The following TBC1D22B variants were observed in gnomAD, a reference collection of about 807,000 sequenced individuals.
TBC1D22B encodes chromosome 6 open reading frame 197.
TBC1D22B carries 32 observed loss-of-function variants against 69.1 expected under a neutral mutation model. That is an observed-to-expected ratio of 0.46 (90% CI 0.35 to 0.62). TBC1D22B has a LOEUF of 0.62. TBC1D22B is among the 20% of genes least tolerant of loss of function. TBC1D22B has a pLI of 0.00. For missense variants in TBC1D22B, 462 were observed against 630.9 expected (o/e 0.73, Z 2.87); for synonymous variants, 206 against 229.8 (o/e 0.90, Z 0.94).
At chr6:37,329,743 A>G (rs1768528937) in intron 12 of TBC1D22B, among the ~76,000 whole-genome samples, 1 of 152,210 alleles carries the variant, frequency 6.6e-6, no homozygotes. Context: ...GCCATCTTCA[A>G]CACATGCTTT....
At chr6:37,270,051 T>G (rs565114264) in intron 2 of TBC1D22B, among the ~76,000 whole-genome samples, 12 of 152,202 alleles carry the variant, frequency 7.9e-5, no homozygotes, top group Non-Finnish European at 7.3e-5. Context: ...TCCTCACTTT[T>G]ACTATGAGAA....
At chr6:37,313,750 C>T (rs1392434027) in intron 9 of TBC1D22B, 66 bp from the exon 10 acceptor site, 18 of 1,456,660 alleles carry the variant, frequency 1.2e-5, no homozygotes, top group Non-Finnish European at 1.7e-5. Flanking sequence ...AAACGTGTTT[C>T]AGTGAATGTC....
At chr6:37,309,895 G>A (rs1767849498) in intron 8 of TBC1D22B, among the ~76,000 whole-genome samples, 1 of 151,056 alleles carries the variant, frequency 6.6e-6, no homozygotes, top group Non-Finnish European at 1.5e-5. Context: ...AAGATCCTAA[G>A]CCGGGTTTTA....
intron 8 of TBC1D22B, among the ~76,000 whole-genome samples, chr6:37,297,464 T>G (rs1347323311): frequency 6.6e-6 from 1 of 152,208 alleles, no homozygotes; most frequent in Admixed American, 6.5e-5. Context: ...GGTAGATGTA[T>G]CAAGCCATTT....
chr6:37,293,090 T>A (rs1767242351), intron 8 of TBC1D22B, among the ~76,000 whole-genome samples: 2 of 151,458 alleles, frequency 1.3e-5, no homozygotes, highest in Non-Finnish European at 2.9e-5. Context: ...TATTATTTTT[T>A]TTTTTGAGAC....
intron 2 of TBC1D22B, among the ~76,000 whole-genome samples, chr6:37,277,271 G>A (rs1766696869): frequency 6.6e-6 from 1 of 152,088 alleles, no homozygotes; most frequent in African/African-American, 2.4e-5. Context: ...ACATACTCCT[G>A]GGTGTTATAT....
At chr6:37,291,704 G>A (rs1012486795) in intron 8 of TBC1D22B, among the ~76,000 whole-genome samples, 3 of 152,186 alleles carry the variant, frequency 2.0e-5, no homozygotes, top group Non-Finnish European at 4.4e-5. Flanking sequence ...TGGACATCAA[G>A]CCTGCACACT....
intron 12 of TBC1D22B, among the ~76,000 whole-genome samples, chr6:37,318,210 G>A (rs1768136515): frequency 6.6e-6 from 1 of 152,232 alleles, no homozygotes; most frequent in South Asian, 2.1e-4. Context: ...GATAGTGACA[G>A]TGGAGGTGTG....
At position 37,323,384 on chromosome 6, in the gene TBC1D22B, G is replaced by T. The variant is rs1228254731; in HGVS notation, c.1389+6178G>T. Among the ~76,000 whole-genome samples, 3 of 152,090 alleles carry T rather than the reference G, an allele frequency of 2.0e-5. No individual in the cohort carries two copies. The East Asian group carries it at 5.8e-4, about 29-fold the overall frequency. ...CTCTAAAAAAAATATTTAAAAATTAGCCAGGCATGGTGGCACACACCTGTA... is the reference window on the plus strand; with the variant it reads ...CTCTAAAAAAAATATTTAAAAATTATCCAGGCATGGTGGCACACACCTGTA... On this transcript the variant is annotated intron_variant, in intron 12 of 12. Transcript: ENST00000373491.
intron 3 of TBC1D22B, 93 bp downstream of exon 3, chr6:37,279,704 G>C (rs1447663521): frequency 3.0e-6 from 4 of 1,311,856 alleles, no homozygotes; most frequent in Non-Finnish European, 4.2e-6. Context: ...CACTCAGGTA[G>C]ATATTCAACT....
At chr6:37,326,248 C>T (rs548929628) in intron 12 of TBC1D22B, among the ~76,000 whole-genome samples, 43 of 151,838 alleles carry the variant, frequency 2.8e-4, no homozygotes, top group African/African-American at 7.7e-4. Context: ...GGTGCAGTGG[C>T]GCGCACCTGT....
intron 8 of TBC1D22B, among the ~76,000 whole-genome samples, chr6:37,304,876 C>T (rs1236662471): frequency 6.6e-6 from 1 of 152,136 alleles, no homozygotes; most frequent in East Asian, 1.9e-4. Flanking sequence ...GAGATAAGTG[C>T]TATGGATAGA....
At chr6:37,282,473 C>A in intron 4 of TBC1D22B, 109 bp downstream of exon 4, 1 of 1,289,524 alleles carries the variant, frequency 7.8e-7, no homozygotes, top group East Asian at 2.5e-5. Flanking sequence ...TCTAGCTTCT[C>A]CTGACCTGGT....
At chr6:37,295,069 T>G (rs1175417554) in intron 8 of TBC1D22B, among the ~76,000 whole-genome samples, 1 of 152,206 alleles carries the variant, frequency 6.6e-6, no homozygotes, top group Non-Finnish European at 1.5e-5. Context: ...GTGGCAGGAT[T>G]TGAGAAGGTT....
chr6:37,312,634 C>G (rs1365099594), intron 8 of TBC1D22B, among the ~76,000 whole-genome samples: 1 of 152,166 alleles, frequency 6.6e-6, no homozygotes, highest in Non-Finnish European at 1.5e-5. Flanking sequence ...TAAAACTGAA[C>G]GAACAAATGC....
chr6:37,279,663 T>C, intron 3 of TBC1D22B, 52 bp downstream of exon 3: 1 of 1,531,734 alleles, frequency 6.5e-7, no homozygotes, highest in Non-Finnish European at 8.8e-7. Context: ...CAGCGTGCAT[T>C]TTAAATAAAA....
chr6:37,287,562 C>T lies in TBC1D22B; in HGVS notation c.867+490C>T, dbSNP rs560210887. Among the ~76,000 whole-genome samples the T allele has an allele frequency of 2.0e-5, 3 of 152,318 alleles. No homozygotes were observed. The East Asian group carries it at 5.8e-4, about 29-fold the overall frequency. On this transcript the variant is annotated intron_variant, in intron 7 of 12. Coordinates refer to ENST00000373491, the MANE Select transcript of TBC1D22B (RefSeq NM_017772.4). ...ATTAAATATTAACTCTCTTCTGCAGCCTCCATTCTATTTGTCTCTAAGAAT... is the reference window on the plus strand; with the variant it reads ...ATTAAATATTAACTCTCTTCTGCAGTCTCCATTCTATTTGTCTCTAAGAAT...
rs765089650 is a variant in TBC1D22B, at chr6:37,282,918, G to A, written c.638G>A (p.Arg213Lys). The change falls in exon 5 of 13, where the codon AGG becomes AAG. Residue 213 changes from arginine to lysine, a missense_variant. Arg to Lys is a conservative substitution (Grantham distance 26). This residue lies in a region of TBC1D22B where 225 missense variants were observed against 375.4 expected (regional missense o/e 0.60). Transcript: ENST00000373491. ...LRKCSWPGVP[R>K]EVRPITWRLL... Reference sequence around the variant, plus strand: ...AAGTGTAGCTGGCCAGGGGTTCCCAGGGAGGTTCGACCTATAACCTGGAGA... The same window carrying A: ...AAGTGTAGCTGGCCAGGGGTTCCCAAGGAGGTTCGACCTATAACCTGGAGA... 6.2e-7 allele frequency: 1 copy of A among 1,613,990 alleles called. No homozygotes were observed. Among genetic ancestry groups the A allele is most frequent in the South Asian group, 1.1e-5 (1 of 91,074 alleles).
intron 1 of TBC1D22B, among the ~76,000 whole-genome samples, chr6:37,267,156 A>G (rs141478030): frequency 0.012 from 1,784 of 150,394 alleles, 32 homozygotes; most frequent in Middle Eastern, 0.039. Flanking sequence ...AGGCTGGTCA[A>G]ACTTCTAGCC....
Sources: gnomAD v4.1 joint callset for allele counts (sites outside exome capture counted in the v4.1 genomes callset) on GRCh38, gnomAD v4.1.1 for gene constraint, gnomAD v4.1.1 regional missense constraint, MANE v1.5 for transcripts, NCBI Gene and HGNC (gene_info 2026-07-23, HGNC 2026-07-21) for gene names.